Variants in NXPE2 observed in about 807,000 individuals in gnomAD.
NXPE2 encodes the protein neurexophilin and PC-esterase domain family member 2.
In NXPE2, 34 loss-of-function variants were observed where a neutral mutation model predicts 34.4. That is an observed-to-expected ratio of 0.99 (90% confidence interval 0.75 to 1.31). The LOEUF (loss-of-function observed/expected upper bound fraction) is 1.31, where lower values mean the gene tolerates loss of function less well. Among genes scored for constraint, NXPE2 ranks in the 40% most tolerant of loss-of-function variants. NXPE2 has a pLI of 0.00. For synonymous variants in NXPE2, 235 were observed against 231.3 expected (o/e 1.02, Z -0.15); for missense variants, 649 against 672.5 (o/e 0.97, Z 0.39).
chr11:114,685,409 G>T (rs1951028736), intron 2 of NXPE2, among the ~76,000 whole-genome samples: 2 of 152,084 alleles, frequency 1.3e-5, no homozygotes, highest in Non-Finnish European at 2.9e-5. Context: ...GGGCAAAGGA[G>T]CTCTCTGGGG....
chr11:114,582,175 G>A, the NXPE2 span: 9 of 1,101,622 alleles, frequency 8.2e-6, no homozygotes, highest in East Asian at 4.8e-5. Context: ...TTCCCCAAAG[G>A]CTCTTACTAA....
intron 2 of NXPE2, among the ~76,000 whole-genome samples, chr11:114,693,641 T>C (rs2135552318): frequency 6.6e-6 from 1 of 152,164 alleles, no homozygotes; most frequent in East Asian, 1.9e-4. Flanking sequence ...AAAAATAAAA[T>C]CAAAATTATC....
upstream of NXPE2, among the ~76,000 whole-genome samples, chr11:114,674,603 GACA>G (rs1010679487): frequency 4.0e-5 from 6 of 150,490 alleles, no homozygotes; most frequent in African/African-American, 7.3e-5. Flanking sequence ...CACAAAAGAA[GACA>G]ACAAGAGAGA....
At chr11:114,519,450 C>G in the NXPE2 span, among the ~76,000 whole-genome samples, 1 of 152,170 alleles carries the variant, frequency 6.6e-6, no homozygotes, top group East Asian at 1.9e-4. Flanking sequence ...AACTTAGTCT[C>G]TTTCCTCAAG....
chr11:114,514,366 T>C, the NXPE2 span, among the ~76,000 whole-genome samples: 4 of 151,964 alleles, frequency 2.6e-5, no homozygotes, highest in African/African-American at 4.8e-5. Context: ...AATAGAAAGG[T>C]TTGTGTTTTT....
the NXPE2 span, among the ~76,000 whole-genome samples, chr11:114,671,580 C>T: frequency 1 from 151,943 of 152,128 alleles, 75,879 homozygotes; most frequent in Middle Eastern, 1. Flanking sequence ...CACAATAAGA[C>T]TAACAACTGA....
At chr11:114,680,054 C>T (rs1950922518) in intron 2 of NXPE2, among the ~76,000 whole-genome samples, 1 of 152,114 alleles carries the variant, frequency 6.6e-6, no homozygotes, top group Non-Finnish European at 1.5e-5. Context: ...ATTCTCTCCT[C>T]CTCCCTTGGC....
the NXPE2 span, chr11:114,527,723 G>A: frequency 6.1e-3 from 3,730 of 612,814 alleles, 88 homozygotes; most frequent in African/African-American, 0.057. Context: ...AGTCCAGCAT[G>A]ATTGACATCA....
At chr11:114,530,817 T>C in the NXPE2 span, 1 of 1,614,202 alleles carries the variant, frequency 6.2e-7, no homozygotes. Context: ...TGTTAGTGGC[T>C]TTAATGGTAT....
chr11:114,529,910 C>A, the NXPE2 span: 1 of 418,796 alleles, frequency 2.4e-6, no homozygotes, highest in Non-Finnish European at 4.2e-6. Context: ...TTATCATACA[C>A]TTATCAAGGA....
the NXPE2 span, among the ~76,000 whole-genome samples, chr11:114,777,025 A>G: frequency 6.6e-6 from 1 of 152,238 alleles, no homozygotes; most frequent in Non-Finnish European, 1.5e-5. Flanking sequence ...TTATGTACGA[A>G]TGGGCTGTGT....
chr11:114,589,393 A>G, the NXPE2 span, among the ~76,000 whole-genome samples: 1,418 of 152,292 alleles, frequency 9.3e-3, 22 homozygotes, highest in African/African-American at 0.032. Context: ...TTTCTCCTCT[A>G]TAATCGAGGC....
chr11:114,620,976 T>A, the NXPE2 span, among the ~76,000 whole-genome samples: 1 of 152,186 alleles, frequency 6.6e-6, no homozygotes, highest in South Asian at 2.1e-4. Flanking sequence ...CCCTCATGGG[T>A]AACCACTGTT....
At chr11:114,689,460 A>T (rs1471285413) in intron 2 of NXPE2, among the ~76,000 whole-genome samples, 10 of 151,948 alleles carry the variant, frequency 6.6e-5, no homozygotes, top group Admixed American at 6.6e-4. Context: ...GCTTGGTATG[A>T]TTTCAATATT....
intron 2 of NXPE2, among the ~76,000 whole-genome samples, chr11:114,688,368 G>C (rs1951085366): frequency 6.6e-6 from 1 of 152,136 alleles, no homozygotes; most frequent in East Asian, 1.9e-4. Flanking sequence ...TTTTAATTCT[G>C]TTTATGTGGT....
chr11:114,764,929 T>A, the NXPE2 span, among the ~76,000 whole-genome samples: 1 of 152,198 alleles, frequency 6.6e-6, no homozygotes, highest in African/African-American at 2.4e-5. Context: ...TTTTCCATTA[T>A]TTTCAAAGAA....
chr11:114,638,951 T>C, the NXPE2 span, among the ~76,000 whole-genome samples: 8 of 152,166 alleles, frequency 5.3e-5, no homozygotes, highest in East Asian at 1.5e-3. Context: ...CTGCCCATTT[T>C]CAGATCTCCA....
At chr11:114,481,150 G>C in the NXPE2 span, among the ~76,000 whole-genome samples, 1 of 152,198 alleles carries the variant, frequency 6.6e-6, no homozygotes, top group Non-Finnish European at 1.5e-5. Flanking sequence ...GTGTGGGGCA[G>C]TGGGGTGAAG....
At chr11:114,669,446 C>G in the NXPE2 span, among the ~76,000 whole-genome samples, 1 of 152,042 alleles carries the variant, frequency 6.6e-6, no homozygotes, top group Non-Finnish European at 1.5e-5. Flanking sequence ...GGTAAGATAT[C>G]CCTTTTCATT....
Sources: allele counts gnomAD v4.1 joint callset (sites outside exome capture counted in the v4.1 genomes callset), GRCh38; gene constraint gnomAD v4.1.1; transcripts MANE v1.5; gene names NCBI Gene and HGNC (gene_info 2026-07-23, HGNC 2026-07-21).